The following SGCD variants were observed in gnomAD, a reference collection of about 807,000 sequenced individuals.
SGCD encodes delta-sarcoglycan.
In SGCD, 18 loss-of-function variants were observed where a neutral mutation model predicts 36.6. That is an observed-to-expected ratio of 0.49 (90% CI 0.34 to 0.73). The LOEUF is 0.73. Among genes scored for constraint, SGCD ranks in the 30% least tolerant of loss-of-function variants. The pLI is 0.01. For synonymous variants in SGCD, 133 were observed against 130.6 expected (o/e 1.02, Z -0.12); for missense variants, 387 against 346.7 (o/e 1.12, Z -0.92).
At chr5:155,963,796 T>C (rs535738017) in intron 1 of SGCD, among the ~76,000 whole-genome samples, 16 of 152,096 alleles carry the variant, frequency 1.1e-4, no homozygotes, top group South Asian at 2.1e-4. Context: ...AATAAAAGTT[T>C]AGTGTTTTAC....
intron 3 of SGCD, among the ~76,000 whole-genome samples, chr5:156,166,052 T>C (rs905150035): frequency 6.7e-6 from 1 of 150,094 alleles, no homozygotes; most frequent in Non-Finnish European, 1.5e-5. Context: ...TTCCCTAATC[T>C]CTTAGATTCT....
At chr5:156,171,813 T>C (rs1181485529) in intron 3 of SGCD, among the ~76,000 whole-genome samples, 1 of 152,130 alleles carries the variant, frequency 6.6e-6, no homozygotes, top group Non-Finnish European at 1.5e-5. Context: ...CTAGTGGCAA[T>C]GTCCCAGGGC....
At chr5:156,740,214 C>T (rs1203884857) in intron 7 of SGCD, among the ~76,000 whole-genome samples, 1 of 152,182 alleles carries the variant, frequency 6.6e-6, no homozygotes, top group Non-Finnish European at 1.5e-5. Context: ...CTCACCGTTA[C>T]TTCAAATGTC....
chr5:156,365,212 T>C (rs1580878440), intron 3 of SGCD, among the ~76,000 whole-genome samples: 1 of 152,230 alleles, frequency 6.6e-6, no homozygotes, highest in Non-Finnish European at 1.5e-5. Context: ...CAGTGACTTA[T>C]CGCTTCACAC....
At chr5:156,536,629 G>T (rs1030643093) in intron 4 of SGCD, among the ~76,000 whole-genome samples, 4 of 150,302 alleles carry the variant, frequency 2.7e-5, no homozygotes, top group Admixed American at 2.0e-4. Context: ...TTTGGCAGAG[G>T]TTATGATCTG....
At chr5:156,397,539 A>G (rs1171074459) in intron 3 of SGCD, among the ~76,000 whole-genome samples, 1 of 152,122 alleles carries the variant, frequency 6.6e-6, no homozygotes, top group Non-Finnish European at 1.5e-5. Context: ...CAGAACTCAA[A>G]TTGTCCAGAA....
At chr5:156,385,234 C>T (rs1771211172) in intron 3 of SGCD, among the ~76,000 whole-genome samples, 1 of 152,196 alleles carries the variant, frequency 6.6e-6, no homozygotes, top group South Asian at 2.1e-4. Flanking sequence ...GCTTCATTTT[C>T]TCTTTCTGTA....
intron 3 of SGCD, among the ~76,000 whole-genome samples, chr5:156,430,674 T>G (rs1773896064): frequency 6.6e-6 from 1 of 152,186 alleles, no homozygotes; most frequent in Non-Finnish European, 1.5e-5. Context: ...TTTTATTTCA[T>G]TTTTCCTCTC....
At chr5:156,655,894 T>C (rs887452243) in intron 7 of SGCD, among the ~76,000 whole-genome samples, 1 of 151,880 alleles carries the variant, frequency 6.6e-6, no homozygotes, top group African/African-American at 2.4e-5. Context: ...AAACAGGAAA[T>C]AGGCCATTCA....
intron 2 of SGCD, among the ~76,000 whole-genome samples, chr5:156,333,062 G>A (rs1324798348): frequency 6.6e-6 from 1 of 152,108 alleles, no homozygotes; most frequent in Non-Finnish European, 1.5e-5. Context: ...TAGAAACTTT[G>A]ATTTAAAAAA....
At chr5:156,169,514 A>G (rs560649271) in intron 3 of SGCD, among the ~76,000 whole-genome samples, 1 of 152,222 alleles carries the variant, frequency 6.6e-6, no homozygotes, top group African/African-American at 2.4e-5. Context: ...TGAATCAAAA[A>G]TTGAGTATCT....
At chr5:156,466,320 A>ATT (rs1052376772) in intron 3 of SGCD, among the ~76,000 whole-genome samples, 1 of 152,184 alleles carries the variant, frequency 6.6e-6, no homozygotes, top group African/African-American at 2.4e-5. Context: ...CAAGAAATAA[A>ATT]TTTTTTTAAC....
intron 7 of SGCD, among the ~76,000 whole-genome samples, chr5:156,706,558 G>C (rs1754751123): frequency 6.6e-6 from 1 of 152,038 alleles, no homozygotes; most frequent in Non-Finnish European, 1.5e-5. Context: ...ACACTGAAAC[G>C]TACTCCATCA....
At chr5:156,224,646 G>T (rs992586974) in intron 3 of SGCD, among the ~76,000 whole-genome samples, 1 of 152,124 alleles carries the variant, frequency 6.6e-6, no homozygotes, top group African/African-American at 2.4e-5. Flanking sequence ...GTGGAGGAAA[G>T]GTTGTTATCA....
intron 3 of SGCD, among the ~76,000 whole-genome samples, chr5:156,367,812 G>A (rs917981588): frequency 1.4e-4 from 22 of 152,284 alleles, no homozygotes; most frequent in African/African-American, 5.1e-4. Context: ...TAAGCTAGGT[G>A]GTTGTTGGAG....
intron 3 of SGCD, among the ~76,000 whole-genome samples, chr5:156,222,491 G>A (rs1764740855): frequency 6.6e-6 from 1 of 151,994 alleles, no homozygotes; most frequent in South Asian, 2.1e-4. Context: ...CGATTATACT[G>A]TGTTTAGTGA....
intron 3 of SGCD, among the ~76,000 whole-genome samples, chr5:156,412,940 C>T (rs1024935256): frequency 1.4e-4 from 21 of 151,774 alleles, no homozygotes; most frequent in African/African-American, 2.7e-4. Flanking sequence ...GGACTACAGG[C>T]GCCCGCCACC....
chr5:156,669,258 G>A (rs758327006), intron 7 of SGCD, among the ~76,000 whole-genome samples: 61 of 152,070 alleles, frequency 4.0e-4, no homozygotes, highest in Non-Finnish European at 2.8e-4. Context: ...CAAATCCACC[G>A]CAGACTTCAG....
At chr5:155,830,368 A>G in the SGCD span, among the ~76,000 whole-genome samples, 2 of 152,064 alleles carry the variant, frequency 1.3e-5, no homozygotes, top group African/African-American at 4.8e-5. Flanking sequence ...TAAAGACTCC[A>G]GTTCTGTTGG....
Sources: allele counts gnomAD v4.1 joint callset (sites outside exome capture counted in the v4.1 genomes callset), GRCh38; gene constraint gnomAD v4.1.1; transcripts MANE v1.5; gene names NCBI Gene and HGNC (gene_info 2026-07-23, HGNC 2026-07-21).